IDE: variants seen among roughly 807,000 people sequenced by gnomAD.
The protein encoded by IDE is insulin-degrading enzyme.
IDE carries 58 observed loss-of-function variants against 133.2 expected under a neutral mutation model. That is an observed-to-expected ratio of 0.44 (90% CI 0.35 to 0.54). The LOEUF is 0.54. Among genes scored for constraint, IDE ranks in the 20% least tolerant of loss-of-function variants. The pLI is 0.00. For synonymous variants in IDE, 396 were observed against 421.3 expected, an observed-to-expected ratio of 0.94 and a Z score of 0.73; for missense variants, 981 against 1,234.0, an observed-to-expected ratio of 0.79 and a Z score of 3.07.
At chr10:92,504,663 A>T (rs1338898260) in intron 11 of IDE, 131 bp downstream of exon 11, 5 of 615,012 alleles carry the variant, frequency 8.1e-6, no homozygotes, top group Non-Finnish European at 1.5e-5. Flanking sequence ...TTGCTTCATT[A>T]TACTATTCTC....
chr10:92,508,346 G>C, intron 7 of IDE, 141 bp from the exon 8 acceptor site: 1 of 696,648 alleles, frequency 1.4e-6, no homozygotes, highest in South Asian at 1.9e-5. Flanking sequence ...AAAAAAATCA[G>C]TTCAGAAAAG....
Position 92,506,467 on chromosome 10 carries a change from G to A in IDE, c.1301C>T (p.Thr434Ile), listed in dbSNP as rs1367131286. The change falls in exon 10 of 25, where the codon ACA (threonine) becomes ATA (isoleucine). Residue 434 changes from threonine (T) to isoleucine (I), a missense_variant. By Grantham distance (89) the Thr-to-Ile change is moderately conservative. This residue lies in a region of IDE where 660 missense variants were observed against 894.7 expected (regional missense o/e 0.74). Transcript: ENST00000265986. ...FKDKERPRGY[T>I]SKIAGILHYY... ...ATGCAATATTCCTGCAATCTTAGAT[G>A]TATAGCCCCGTGGCCTCTCTTTGTC... The A allele has an allele frequency of 1.3e-6, 2 of 1,584,884 alleles. No individual in the cohort carries two copies. Among genetic ancestry groups the A allele is most frequent in the East Asian group, 2.2e-5 (1 of 44,482 alleles).
intron 7 of IDE, among the ~76,000 whole-genome samples, chr10:92,508,488 C>G (rs1384790698): frequency 6.8e-6 from 1 of 147,342 alleles, no homozygotes; most frequent in Non-Finnish European, 1.5e-5. Flanking sequence ...CCAAGATGGG[C>G]GGATCGCTTG....
chr10:92,548,954 C>A (rs1219552278), intron 1 of IDE, among the ~76,000 whole-genome samples: 1 of 152,164 alleles, frequency 6.6e-6, no homozygotes, highest in African/African-American at 2.4e-5. Context: ...GCAACCTACA[C>A]TGTATGGGAT....
At chr10:92,508,559 G>GAA (rs5787000) in intron 7 of IDE, among the ~76,000 whole-genome samples, 169 bp downstream of exon 7, 5,186 of 130,506 alleles carry the variant, frequency 0.04, 146 homozygotes, top group Admixed American at 0.066. Flanking sequence ...ATCTAAAAAA[G>GAA]AAAAAAAAAA....
chr10:92,496,558 G>A (rs961949183), intron 11 of IDE, among the ~76,000 whole-genome samples: 4 of 152,156 alleles, frequency 2.6e-5, no homozygotes, highest in South Asian at 2.1e-4. Context: ...GGCTGAGGCC[G>A]GTGGATCACT....
intron 5 of IDE, among the ~76,000 whole-genome samples, chr10:92,510,578 T>G (rs1848527638): frequency 6.6e-6 from 1 of 151,872 alleles, no homozygotes; most frequent in Non-Finnish European, 1.5e-5. Context: ...TTTACTTTAG[T>G]TTTTTGACAC....
At chr10:92,523,657 T>C (rs1849353043) in intron 4 of IDE, among the ~76,000 whole-genome samples, 1 of 147,142 alleles carries the variant, frequency 6.8e-6, no homozygotes, top group Non-Finnish European at 1.5e-5. Flanking sequence ...GCCAAGATCA[T>C]GCCATGTCAC....
rs549275911 is a variant in IDE, at chr10:92,558,113, C to T, written c.98+15809G>A. On this transcript the variant is annotated intron_variant, in intron 1 of 24. Transcript: ENST00000265986. Reference sequence around the variant, plus strand: ...TGTTGCCCAGGCTGGAGTGCAAAGGCGTGATCTCAGCTCACCGCAACGTCC... The same window carrying T: ...TGTTGCCCAGGCTGGAGTGCAAAGGTGTGATCTCAGCTCACCGCAACGTCC... Among the ~76,000 whole-genome samples the T allele has an allele frequency of 9.2e-5, 14 of 152,240 alleles. No individual in the cohort carries two copies. In the South Asian group the frequency reaches 1.9e-3, roughly 20 times the overall value.
At chr10:92,526,505 T>G (rs1400202472) in intron 4 of IDE, among the ~76,000 whole-genome samples, 1 of 152,122 alleles carries the variant, frequency 6.6e-6, no homozygotes, top group Non-Finnish European at 1.5e-5. Flanking sequence ...ATGCACAATC[T>G]CATTTAATAT....
intron 17 of IDE, among the ~76,000 whole-genome samples, chr10:92,473,097 C>T (rs902193364): frequency 6.6e-6 from 1 of 151,600 alleles, no homozygotes; most frequent in African/African-American, 2.4e-5. Flanking sequence ...CACCCGCCAC[C>T]ACGCCCGGCT....
chr10:92,503,074 A>C (rs1490546077), intron 11 of IDE, among the ~76,000 whole-genome samples: 1 of 152,164 alleles, frequency 6.6e-6, no homozygotes, highest in Non-Finnish European at 1.5e-5. Context: ...ATATTTTTTA[A>C]ACCTCAAAAC....
intron 11 of IDE, among the ~76,000 whole-genome samples, chr10:92,493,151 G>A (rs760021323): frequency 6.6e-6 from 1 of 152,166 alleles, no homozygotes; most frequent in African/African-American, 2.4e-5. Context: ...CCCGTTTGAG[G>A]TGTATGTGTA....
rs189494740 is a variant in IDE, at chr10:92,488,605, A to G, written c.1534-1287T>C. The stretch of plus-strand genomic sequence containing the variant: ...AGTCTGGCCAACATTGTGAAACCTC[A>G]TATCTATTAAAAATACAAAAAATTA... On this transcript the variant is annotated intron_variant, in intron 12 of 24. Transcript: ENST00000265986. Among the ~76,000 whole-genome samples the G allele has an allele frequency of 4.6e-3, 696 of 152,080 alleles. 2 individuals are homozygous for G. The highest frequency in any genetic ancestry group is 0.016 in the African/African-American group (654 of 41,510).
chr10:92,497,581 T>C (rs1847780968), intron 11 of IDE: 1 of 228,416 alleles, frequency 4.4e-6, no homozygotes, highest in Admixed American at 6.5e-5. Flanking sequence ...GCCTCTAAGG[T>C]TCCTTTCATT....
At chr10:92,550,278 T>A (rs958965489) in intron 1 of IDE, among the ~76,000 whole-genome samples, 1 of 152,114 alleles carries the variant, frequency 6.6e-6, no homozygotes, top group South Asian at 2.1e-4. Flanking sequence ...AAGGGGTTAA[T>A]ATCCAGAATA....
chr10:92,460,097 A>G (rs1289641045), intron 22 of IDE, among the ~76,000 whole-genome samples: 1 of 152,030 alleles, frequency 6.6e-6, no homozygotes, highest in Non-Finnish European at 1.5e-5. Flanking sequence ...TTGGCCTCCC[A>G]AAGTGCTGGG....
intron 1 of IDE, among the ~76,000 whole-genome samples, chr10:92,539,883 A>G (rs1450610419): frequency 1.3e-5 from 2 of 152,200 alleles, no homozygotes; most frequent in Non-Finnish European, 2.9e-5. Flanking sequence ...TAAAATAGTA[A>G]TAATTCTCAG....
chr10:92,488,595 G>A (rs1453462428), intron 12 of IDE, among the ~76,000 whole-genome samples: 1 of 151,976 alleles, frequency 6.6e-6, no homozygotes. Context: ...GGCCAACATT[G>A]TGAAACCTCA....
Sources: allele counts gnomAD v4.1 joint callset (sites outside exome capture counted in the v4.1 genomes callset), GRCh38; gene constraint gnomAD v4.1.1; regional missense constraint gnomAD v4.1.1; transcripts MANE v1.5; gene names NCBI Gene and HGNC (gene_info 2026-07-23, HGNC 2026-07-21).